The following IQGAP2 variants were observed in gnomAD, a reference collection of about 807,000 sequenced individuals.
IQGAP2 encodes IQ motif containing GTPase activating protein 2, also known as ras GTPase-activating-like protein IQGAP2.
A neutral mutation model predicts 201.3 loss-of-function variants in IQGAP2; 173 were observed. The ratio of observed to expected loss-of-function variants is 0.86; its 90% CI spans 0.76 to 0.98. The LOEUF is 0.98. Ranked by LOEUF, IQGAP2 falls within the 50% of genes least tolerant of loss-of-function variation. The pLI is 0.00. For missense variants in IQGAP2, 1,687 were observed against 1,864.8 expected, an observed-to-expected ratio of 0.90 and a Z score of 1.76; for synonymous variants, 675 against 673.9, an observed-to-expected ratio of 1.00 and a Z score of -0.03.
chr5:76,519,933 A>G (rs578123140), intron 2 of IQGAP2, among the ~76,000 whole-genome samples: 17 of 152,124 alleles, frequency 1.1e-4, no homozygotes, highest in Non-Finnish European at 2.5e-4. Context: ...TTTGGATTCA[A>G]GTTCTTTGTT....
At chr5:76,468,374 G>A (rs922221586) in intron 2 of IQGAP2, among the ~76,000 whole-genome samples, 2 of 152,084 alleles carry the variant, frequency 1.3e-5, no homozygotes, top group African/African-American at 4.8e-5. Flanking sequence ...AGAAAAACTC[G>A]CCATTTGGTT....
intron 9 of IQGAP2, among the ~76,000 whole-genome samples, chr5:76,594,444 T>C (rs929363654): frequency 6.6e-6 from 1 of 152,242 alleles, no homozygotes; most frequent in African/African-American, 2.4e-5. Context: ...GCTATACTTT[T>C]TTTTTCCATT....
At chr5:76,479,458 G>A (rs1396237634) in intron 2 of IQGAP2, among the ~76,000 whole-genome samples, 1 of 152,182 alleles carries the variant, frequency 6.6e-6, no homozygotes, top group East Asian at 1.9e-4. Flanking sequence ...CCAGCTGGCT[G>A]TGCTTGGCAG....
At chr5:76,448,085 G>A (rs986281388) in intron 1 of IQGAP2, among the ~76,000 whole-genome samples, 1 of 152,148 alleles carries the variant, frequency 6.6e-6, no homozygotes, top group African/African-American at 2.4e-5. Context: ...ATCTCCTAAG[G>A]GTAGCGTGGC....
chr5:76,619,684 T>G (rs556793855), intron 13 of IQGAP2, among the ~76,000 whole-genome samples: 2 of 151,998 alleles, frequency 1.3e-5, no homozygotes, highest in South Asian at 4.2e-4. Context: ...GCCTGGCTAA[T>G]TTTTTGTATT....
At chr5:76,452,681 C>G (rs1032558255) in intron 1 of IQGAP2, among the ~76,000 whole-genome samples, 3 of 152,146 alleles carry the variant, frequency 2.0e-5, no homozygotes, top group Admixed American at 6.6e-5. Context: ...AAGCAACACC[C>G]TCAGAAAAGC....
At chr5:76,483,784 C>T (rs1755941055) in intron 2 of IQGAP2, among the ~76,000 whole-genome samples, 1 of 152,242 alleles carries the variant, frequency 6.6e-6, no homozygotes, top group South Asian at 2.1e-4. Context: ...GCTAGTCCTG[C>T]AGCCTCTTCT....
At chr5:76,518,496 C>T (rs377431988) in intron 2 of IQGAP2, among the ~76,000 whole-genome samples, 2 of 152,148 alleles carry the variant, frequency 1.3e-5, no homozygotes, top group South Asian at 2.1e-4. Context: ...CTCCAACCAG[C>T]CCCTCCCACA....
At chr5:76,571,209 C>T (rs1009172552) in intron 4 of IQGAP2, among the ~76,000 whole-genome samples, 2 of 151,932 alleles carry the variant, frequency 1.3e-5, no homozygotes, top group South Asian at 2.1e-4. Context: ...AAGACAGAGT[C>T]TGGCTCTGTC....
intron 2 of IQGAP2, among the ~76,000 whole-genome samples, chr5:76,516,076 A>G (rs901386096): frequency 2.0e-5 from 3 of 151,798 alleles, no homozygotes; most frequent in Non-Finnish European, 2.9e-5. Context: ...GGGTTTTGCC[A>G]TGTTGTCCAG....
chr5:76,406,991 T>A (rs114658658), intron 1 of IQGAP2, among the ~76,000 whole-genome samples: 2,560 of 152,304 alleles, frequency 0.017, 60 homozygotes, highest in South Asian at 0.1. Flanking sequence ...ATTATTATTT[T>A]TTTTTTAGGC....
chr5:76,693,577 C>T (rs536469612), intron 31 of IQGAP2, 135 bp downstream of exon 31: 43 of 632,710 alleles, frequency 6.8e-5, no homozygotes, highest in Non-Finnish European at 1.2e-4. Flanking sequence ...TCTATTACTG[C>T]AGTGGACTTA....
intron 9 of IQGAP2, 32 bp downstream of exon 9, chr5:76,592,957 AT>A (rs1561491178): frequency 7.1e-7 from 1 of 1,416,072 alleles, no homozygotes; most frequent in Non-Finnish European, 1.0e-6. Flanking sequence ...GGAAATTGAT[AT>A]TTCCGTAAGA....
intron 13 of IQGAP2, among the ~76,000 whole-genome samples, chr5:76,623,657 G>A (rs548404669): frequency 8.5e-5 from 13 of 152,266 alleles, no homozygotes; most frequent in East Asian, 3.9e-4. Context: ...TTTCTTATCC[G>A]TTTTAAAAAT....
At chr5:76,417,383 G>A (rs887775568) in intron 1 of IQGAP2, among the ~76,000 whole-genome samples, 16 of 152,048 alleles carry the variant, frequency 1.1e-4, no homozygotes, top group Admixed American at 3.9e-4. Flanking sequence ...TCCGCCTCCC[G>A]GGTTCAAGTG....
chr5:76,695,599 CG>C lies in IQGAP2; in HGVS notation c.4140del (p.Leu1381TrpfsTer45), dbSNP rs1289637339. ...AGGAAAATCCAGAGGAATCTTCGGA[CG>C]TTGGAACAGACTGGACACGTGTCAT... is the stretch of plus-strand genomic sequence containing the variant. ...KKRKIQRNLR[T>X]LEQTGHVSSE... is the part of the protein sequence containing the mutation. On this transcript the variant is annotated frameshift_variant, in exon 32 of 36. Transcript: ENST00000274364. LOFTEE classifies it high-confidence loss of function. The C allele has an allele frequency of 2.5e-6, 4 of 1,614,122 alleles. No homozygotes were observed. The East Asian group carries it at 8.9e-5, about 36-fold the overall frequency.
chr5:76,441,974 T>C (rs1357394014), intron 1 of IQGAP2, among the ~76,000 whole-genome samples: 1 of 152,110 alleles, frequency 6.6e-6, no homozygotes, highest in Non-Finnish European at 1.5e-5. Flanking sequence ...AAATGGGGGT[T>C]GGAGGGATCC....
chr5:76,477,355 T>C (rs1755494908), intron 2 of IQGAP2, among the ~76,000 whole-genome samples: 1 of 152,100 alleles, frequency 6.6e-6, no homozygotes, highest in South Asian at 2.1e-4. Context: ...CAAAACAAAA[T>C]AAAACATTAC....
At chr5:76,508,719 T>C (rs137919817) in intron 2 of IQGAP2, among the ~76,000 whole-genome samples, 1 of 150,834 alleles carries the variant, frequency 6.6e-6, no homozygotes, top group East Asian at 2.0e-4. Flanking sequence ...TTTTTAAAGA[T>C]CACGTGAGAG....
Sources: allele counts gnomAD v4.1 joint callset (sites outside exome capture counted in the v4.1 genomes callset), GRCh38; gene constraint gnomAD v4.1.1; transcripts MANE v1.5; gene names NCBI Gene and HGNC (gene_info 2026-07-23, HGNC 2026-07-21).